Variants in DPYS observed in about 807,000 individuals in gnomAD.
DPYS encodes the protein dihydropyrimidine amidohydrolase.
In DPYS, 39 loss-of-function variants were observed where a neutral mutation model predicts 50.3. That is an observed-to-expected ratio of 0.78 (90% confidence interval 0.60 to 1.01). The LOEUF (loss-of-function observed/expected upper bound fraction) is 1.01. Among genes scored for constraint, DPYS ranks in the 50% least tolerant of loss-of-function variants. The pLI is 0.00. For missense variants in DPYS, 659 were observed against 680.9 expected, an observed-to-expected ratio of 0.97 and a Z score of 0.36; for synonymous variants, 245 against 250.7, an observed-to-expected ratio of 0.98 and a Z score of 0.22.
chr8:104,461,800 A>G (rs532918274), intron 1 of DPYS, among the ~76,000 whole-genome samples: 56 of 152,324 alleles, frequency 3.7e-4, no homozygotes, highest in African/African-American at 1.3e-3. Flanking sequence ...TCCGAGACTC[A>G]GAGATCATTA....
intron 4 of DPYS, among the ~76,000 whole-genome samples, chr8:104,436,884 GT>G (rs1813169820): frequency 1.3e-5 from 2 of 151,906 alleles, no homozygotes; most frequent in South Asian, 4.2e-4. Context: ...TAAAAAGAAA[GT>G]AATGCATCTA....
At position 104,429,398 on chromosome 8, in the gene DPYS, C is replaced by T; in HGVS notation, c.950+147G>A. ...CATAATTAAGTCAATGTTTTTTGCT[C>T]TGCAGGTGAGGGGTACCCAGGACCT... On this transcript the variant is annotated intron_variant, in intron 5 of 9. Coordinates refer to ENST00000351513, the MANE Select transcript of DPYS (RefSeq NM_001385.3). 1.4e-5 allele frequency: 13 copies of T among 911,886 alleles called. No homozygotes were observed. In the Admixed American group the frequency reaches 1.6e-4, roughly 11 times the overall value. 56.5% of individuals were successfully genotyped at this position (911,886 alleles called of 1,614,324 possible).
chr8:104,450,606 TG>T (rs1813704616), intron 2 of DPYS, among the ~76,000 whole-genome samples: 1 of 152,232 alleles, frequency 6.6e-6, no homozygotes, highest in African/African-American at 2.4e-5. Context: ...ATGTTATTTC[TG>T]CCATGGCCTG....
chr8:104,466,983 C>T lies in DPYS; in HGVS notation c.-63G>A. 6.6e-6 allele frequency: 9 copies of T among 1,362,004 alleles called. No individual in the cohort carries two copies. Among genetic ancestry groups the T allele is most frequent in the Non-Finnish European group, 8.5e-6 (9 of 1,063,632 alleles). 84.4% of individuals were successfully genotyped at this position (1,362,004 alleles called of 1,614,324 possible). ...CGCGCAGGGGCTGGGTTGGGCGGGC[C>T]GGGCGGGCTTGGGGTGCCCTCCTGC... On this transcript the variant is annotated 5_prime_UTR_variant, in exon 1 of 10. Coordinates refer to ENST00000351513, the MANE Select transcript of DPYS (RefSeq NM_001385.3).
chr8:104,451,176 CA>C, intron 2 of DPYS, 69 bp downstream of exon 2: 1 of 1,596,326 alleles, frequency 6.3e-7, no homozygotes, highest in Non-Finnish European at 8.6e-7. Flanking sequence ...TCAATGTCAC[CA>C]GTTTCTTGCT....
chr8:104,456,465 C>T (rs1168463717), intron 1 of DPYS, among the ~76,000 whole-genome samples: 2 of 152,170 alleles, frequency 1.3e-5, no homozygotes, highest in Non-Finnish European at 2.9e-5. Context: ...TCCTAATTAA[C>T]TAGGAGCAGG....
chr8:104,392,797 T>G lies in DPYS; in HGVS notation c.1430A>C (p.Lys477Thr). 2.5e-6 allele frequency: 4 copies of G among 1,614,178 alleles called. No individual in the cohort carries two copies. The highest frequency in any genetic ancestry group is 3.4e-6 in the Non-Finnish European group (4 of 1,180,016). Reference sequence around the variant, plus strand: ...TGGCACACTCACCCGGTCTCGCTGCTTTATTCGTTTGTAAATATATTCAGC... The same window carrying G: ...TGGCACACTCACCCGGTCTCGCTGCGTTATTCGTTTGTAAATATATTCAGC... The part of the protein sequence containing the change: ...PFAEYIYKRI[K>T]QRDRTCTPTP... The change falls in exon 8 of 10, where the codon AAG becomes ACG. Residue 477 changes from lysine to threonine, a missense_variant. By Grantham distance (78) the Lys-to-Thr change is moderately conservative. Transcript: ENST00000351513.
intron 7 of DPYS, among the ~76,000 whole-genome samples, chr8:104,422,856 G>T (rs1047708555): frequency 5.9e-5 from 9 of 152,124 alleles, no homozygotes; most frequent in Admixed American, 4.6e-4. Context: ...ACAGCAGCCC[G>T]CTGTAGAGTG....
intron 7 of DPYS, 77 bp downstream of exon 7, chr8:104,424,157 AGCGGCTGATTAAT>A (rs1367241803): frequency 3.1e-6 from 5 of 1,605,968 alleles, no homozygotes; most frequent in African/African-American, 1.3e-5. Context: ...TCTAAGGAGA[AGCGGCTGATTAAT>A]GCCAAAGCAT....
chr8:104,466,629 C>A, intron 1 of DPYS, 28 bp downstream of exon 1: 1 of 1,501,280 alleles, frequency 6.7e-7, no homozygotes, highest in South Asian at 1.2e-5. Context: ...GTGGGTACCG[C>A]GGGGCGGGGG....
chr8:104,405,244 A>T (rs1393189858), intron 7 of DPYS, among the ~76,000 whole-genome samples: 1 of 152,148 alleles, frequency 6.6e-6, no homozygotes, highest in Non-Finnish European at 1.5e-5. Context: ...TTGTATTTCC[A>T]TTTAACAGAT....
intron 1 of DPYS, among the ~76,000 whole-genome samples, chr8:104,458,292 G>A (rs1177145101): frequency 6.6e-6 from 1 of 152,160 alleles, no homozygotes; most frequent in African/African-American, 2.4e-5. Context: ...TGCATGACCT[G>A]AACTTTAGCT....
intron 7 of DPYS, among the ~76,000 whole-genome samples, chr8:104,407,375 C>T (rs1812031574): frequency 1.3e-5 from 2 of 152,042 alleles, no homozygotes; most frequent in South Asian, 2.1e-4. Flanking sequence ...TACTAAAGTA[C>T]TTTAAAAGGA....
At chr8:104,457,134 T>C (rs1478979545) in intron 1 of DPYS, among the ~76,000 whole-genome samples, 1 of 152,128 alleles carries the variant, frequency 6.6e-6, no homozygotes, top group African/African-American at 2.4e-5. Flanking sequence ...TAATAAAAAA[T>C]AGAACAATTA....
intron 4 of DPYS, among the ~76,000 whole-genome samples, chr8:104,436,559 G>A (rs568975664): frequency 4.6e-5 from 7 of 152,218 alleles, no homozygotes; most frequent in African/African-American, 1.7e-4. Context: ...GCAGTGAGCC[G>A]AGATTGTGCC....
chr8:104,381,111 A>G (rs1179754696), intron 9 of DPYS, 73 bp downstream of exon 9: 59 of 1,284,152 alleles, frequency 4.6e-5, no homozygotes, highest in Non-Finnish European at 6.3e-5. Context: ...TGATCTCTTC[A>G]ACCCTTATGA....
At chr8:104,395,950 A>G (rs1297281049) in intron 7 of DPYS, among the ~76,000 whole-genome samples, 1 of 152,222 alleles carries the variant, frequency 6.6e-6, no homozygotes, top group Non-Finnish European at 1.5e-5. Flanking sequence ...CAAATACACA[A>G]TAATTTCAAA....
At chr8:104,431,564 A>G (rs1247862363) in intron 4 of DPYS, among the ~76,000 whole-genome samples, 1 of 152,136 alleles carries the variant, frequency 6.6e-6, no homozygotes, top group Non-Finnish European at 1.5e-5. Context: ...AAAAAGGGGA[A>G]GGAAAACAGG....
intron 7 of DPYS, among the ~76,000 whole-genome samples, chr8:104,401,554 C>A (rs1383514051): frequency 6.6e-6 from 1 of 152,094 alleles, no homozygotes; most frequent in Non-Finnish European, 1.5e-5. Flanking sequence ...ATTCTTAATC[C>A]ACCAGAAAAT....
Sources: allele counts gnomAD v4.1 joint callset (sites outside exome capture counted in the v4.1 genomes callset), GRCh38; gene constraint gnomAD v4.1.1; transcripts MANE v1.5; gene names NCBI Gene and HGNC (gene_info 2026-07-23, HGNC 2026-07-21).